The following PTPRT variants were observed in gnomAD, a reference collection of about 807,000 sequenced individuals.
PTPRT encodes protein tyrosine phosphatase receptor type T.
A neutral mutation model predicts 176.8 loss-of-function variants in PTPRT; 56 were observed. The ratio of observed to expected loss-of-function variants is 0.32; its 90% CI spans 0.26 to 0.40. The LOEUF (loss-of-function observed/expected upper bound fraction) is 0.40, where lower values mean the gene tolerates loss of function less well. Ranked by LOEUF, PTPRT falls within the 10% of genes least tolerant of loss-of-function variation. PTPRT has a pLI of 1.00. For synonymous variants in PTPRT, 783 were observed against 739.0 expected, an observed-to-expected ratio of 1.06 and a Z score of -0.96; for missense variants, 1,540 against 1,908.2, an observed-to-expected ratio of 0.81 and a Z score of 3.60.
In PTPRT at chr20:42,477,378, A is replaced by AAT. The variant is rs201831161; in HGVS notation, c.1154-4818_1154-4817dup. ...GCATGTCAGCCAGGTCTTTAAGGGT[A>AAT]ATATATATATATATATTTTTTTTGC... On this transcript the variant is annotated intron_variant, in intron 7 of 30. Transcript: ENST00000373187. 1.7e-3 allele frequency among the ~76,000 whole-genome samples: 260 copies of AAT among 151,028 alleles called. 3 individuals carry two copies. The South Asian group carries it at 0.021, about 12-fold the overall frequency.
chr20:42,283,496 G>A (rs997614063), intron 12 of PTPRT, among the ~76,000 whole-genome samples: 3 of 152,036 alleles, frequency 2.0e-5, no homozygotes, highest in African/African-American at 7.2e-5. Context: ...TAAAACCCCT[G>A]AACTTCAGTG....
intron 1 of PTPRT, among the ~76,000 whole-genome samples, chr20:42,935,746 C>A (rs1980148573): frequency 6.6e-6 from 1 of 152,080 alleles, no homozygotes; most frequent in African/African-American, 2.4e-5. Context: ...CCAGTCTATT[C>A]TTCTATTCTA....
At chr20:42,782,923 A>G (rs1288431394) in intron 3 of PTPRT, among the ~76,000 whole-genome samples, 1 of 152,236 alleles carries the variant, frequency 6.6e-6, no homozygotes, top group Non-Finnish European at 1.5e-5. Context: ...ACTTTAATCT[A>G]TGTCTTAGAC....
intron 9 of PTPRT, among the ~76,000 whole-genome samples, chr20:42,439,062 C>A (rs2059288668): frequency 6.6e-6 from 1 of 152,204 alleles, no homozygotes; most frequent in South Asian, 2.1e-4. Flanking sequence ...AAACACCTGT[C>A]AGCTTCCCTG....
chr20:42,597,899 A>G (rs941498485), intron 7 of PTPRT, among the ~76,000 whole-genome samples: 22 of 152,340 alleles, frequency 1.4e-4, no homozygotes, highest in African/African-American at 4.8e-4. Context: ...AATTCTGCCA[A>G]CAGCATATAT....
chr20:43,161,893 A>C (rs528369620), intron 1 of PTPRT, among the ~76,000 whole-genome samples: 39 of 152,308 alleles, frequency 2.6e-4, no homozygotes, highest in African/African-American at 8.9e-4. Flanking sequence ...TCGTGGCTAC[A>C]TCACAATGAC....
intron 6 of PTPRT, among the ~76,000 whole-genome samples, chr20:42,725,705 T>G (rs1425206284): frequency 1.3e-5 from 2 of 152,054 alleles, no homozygotes; most frequent in African/African-American, 4.8e-5. Flanking sequence ...AGAAACACTT[T>G]TACACTGTTG....
chr20:43,044,702 C>T (rs1468812639), intron 1 of PTPRT, among the ~76,000 whole-genome samples: 1 of 152,188 alleles, frequency 6.6e-6, no homozygotes, highest in East Asian at 1.9e-4. Flanking sequence ...GGATTAAATG[C>T]ACCAAGGTGT....
chr20:42,836,885 C>T (rs56122733), intron 2 of PTPRT, among the ~76,000 whole-genome samples: 55,729 of 152,052 alleles, frequency 0.37, 11,394 homozygotes, highest in Non-Finnish European at 0.46. Context: ...TTAACTATTA[C>T]GTGCTACCAT....
At chr20:42,224,167 C>G (rs965578404) in intron 15 of PTPRT, among the ~76,000 whole-genome samples, 12 of 152,156 alleles carry the variant, frequency 7.9e-5, no homozygotes, top group African/African-American at 1.4e-4. Flanking sequence ...TCAGCAGAAG[C>G]ATTGAGTCCC....
At chr20:42,690,283 AG>A (rs2075771237) in intron 6 of PTPRT, among the ~76,000 whole-genome samples, 1 of 152,176 alleles carries the variant, frequency 6.6e-6, no homozygotes, top group Non-Finnish European at 1.5e-5. Flanking sequence ...CAAGAGTTTT[AG>A]GGACAACTCC....
At chr20:43,001,066 C>A (rs1489027748) in intron 1 of PTPRT, among the ~76,000 whole-genome samples, 1 of 151,942 alleles carries the variant, frequency 6.6e-6, no homozygotes, top group Non-Finnish European at 1.5e-5. Context: ...TTCACCCAGC[C>A]AACCAGTTAT....
rs62203500 is a variant in PTPRT, at chr20:42,438,129, C to G, written c.1560+10091G>C. On this transcript the variant is annotated intron_variant, in intron 9 of 30. Coordinates refer to ENST00000373187, the MANE Select transcript of PTPRT (RefSeq NM_007050.6). Reference sequence around the variant, plus strand: ...CCCTACAAAGGCCTCTGGGTGCACACGCAGTGCAGCAAAATGCAGTTTCCC... The same window carrying G: ...CCCTACAAAGGCCTCTGGGTGCACAGGCAGTGCAGCAAAATGCAGTTTCCC... Among the ~76,000 whole-genome samples the G allele has an allele frequency of 1.2e-3, 176 of 152,268 alleles. 1 individual carries two copies. The highest frequency in any genetic ancestry group is 2.1e-3 in the Non-Finnish European group (143 of 68,016).
intron 16 of PTPRT, among the ~76,000 whole-genome samples, chr20:42,196,761 A>G (rs982379793): frequency 6.6e-6 from 1 of 152,240 alleles, no homozygotes; most frequent in Non-Finnish European, 1.5e-5. Flanking sequence ...TGGGAAAAAA[A>G]GGACTGGCTT....
At chr20:42,418,411 A>G (rs896122780) in intron 9 of PTPRT, among the ~76,000 whole-genome samples, 9 of 152,206 alleles carry the variant, frequency 5.9e-5, no homozygotes, top group Non-Finnish European at 1.2e-4. Flanking sequence ...TCAGGGCTCC[A>G]AAACTGACCA....
intron 13 of PTPRT, among the ~76,000 whole-genome samples, chr20:42,272,697 G>A (rs1005734400): frequency 1.3e-5 from 2 of 149,126 alleles, no homozygotes; most frequent in African/African-American, 2.5e-5. Flanking sequence ...ATATGTGCGC[G>A]CATGCGTGCA....
chr20:42,846,213 T>C (rs1425002310), intron 2 of PTPRT, among the ~76,000 whole-genome samples: 1 of 152,180 alleles, frequency 6.6e-6, no homozygotes, highest in Non-Finnish European at 1.5e-5. Context: ...GCAAATTATG[T>C]CTGAACTATC....
At chr20:43,101,373 A>T (rs2012386621) in intron 1 of PTPRT, among the ~76,000 whole-genome samples, 1 of 152,086 alleles carries the variant, frequency 6.6e-6, no homozygotes, top group Non-Finnish European at 1.5e-5. Context: ...CATGGACTGG[A>T]GTCTGTGGAT....
intron 2 of PTPRT, among the ~76,000 whole-genome samples, chr20:42,838,070 A>G (rs2078212939): frequency 6.6e-6 from 1 of 152,166 alleles, no homozygotes; most frequent in African/African-American, 2.4e-5. Flanking sequence ...CTTGTTGAAC[A>G]GGTTGGAGTG....
Sources: gnomAD v4.1 joint callset for allele counts (sites outside exome capture counted in the v4.1 genomes callset) on GRCh38, gnomAD v4.1.1 for gene constraint, MANE v1.5 for transcripts, NCBI Gene and HGNC (gene_info 2026-07-23, HGNC 2026-07-21) for gene names.